The following KIAA1549L variants were observed in gnomAD, a reference collection of about 807,000 sequenced individuals.
The protein encoded by KIAA1549L is UPF0606 protein KIAA1549L.
KIAA1549L carries 88 observed loss-of-function variants against 160.7 expected under a neutral mutation model. The ratio of observed to expected loss-of-function variants is 0.55; its 90% CI spans 0.46 to 0.65. KIAA1549L has a LOEUF of 0.65. Ranked by LOEUF, KIAA1549L falls within the 30% of genes least tolerant of loss-of-function variation. KIAA1549L has a pLI of 0.00. For synonymous variants in KIAA1549L, 950 were observed against 976.7 expected (o/e 0.97, Z 0.51); for missense variants, 2,258 against 2,437.5 (o/e 0.93, Z 1.55).
Position 33,469,022 on chromosome 11 carries a change from T to C in KIAA1549L, c.239-72780T>C, listed in dbSNP as rs116001887. Among the ~76,000 whole-genome samples the C allele has an allele frequency of 7.1e-3, 1,082 of 152,340 alleles. 14 individuals are homozygous for C. The highest frequency in any genetic ancestry group is 0.025 in the African/African-American group (1,043 of 41,564). ...GTTTGCTTGCTTGTTGGTTTTTGTT[T>C]CTTTCATGACTTTATTGACATATAA... On this transcript the variant is annotated intron_variant, in intron 1 of 20. Coordinates refer to ENST00000658780, the MANE Select transcript of KIAA1549L (RefSeq NM_012194.3).
chr11:33,478,290 A>G (rs905506437), intron 1 of KIAA1549L, among the ~76,000 whole-genome samples: 3 of 152,200 alleles, frequency 2.0e-5, no homozygotes, highest in African/African-American at 7.2e-5. Flanking sequence ...GTTTTGTTCT[A>G]GCCTGACAAG....
rs115216931 is a variant in KIAA1549L, at chr11:33,565,004, C to T, written c.4079-3072C>T. On this transcript the variant is annotated intron_variant, in intron 8 of 20. Transcript: ENST00000658780. ...CTTCTGGACAAAGCTTCATTGAACA[C>T]AGCTGGGGACGTGCCCAGCTCCTCT... is the stretch of plus-strand genomic sequence containing the variant. 4.0e-3 allele frequency among the ~76,000 whole-genome samples: 614 copies of T among 152,300 alleles called. 7 individuals are homozygous for T. The highest frequency in any genetic ancestry group is 0.013 in the African/African-American group (554 of 41,560).
intron 1 of KIAA1549L, among the ~76,000 whole-genome samples, chr11:33,474,673 A>G (rs553534973): frequency 3.9e-5 from 6 of 152,332 alleles, no homozygotes; most frequent in African/African-American, 1.4e-4. Flanking sequence ...GATAATGATA[A>G]TAGCCACTTT....
At position 33,532,463 on chromosome 11, in the gene KIAA1549L, C is replaced by T. The variant is rs79310264; in HGVS notation, c.239-9339C>T. 4.9e-3 allele frequency among the ~76,000 whole-genome samples: 747 copies of T among 152,308 alleles called. 1 individual carries two copies. The highest frequency in any genetic ancestry group is 8.2e-3 in the Non-Finnish European group (557 of 68,026). ...TATAAGCACTATTCTAAGGACTTTA[C>T]GCGTATCAGCTCATTTTAACCCTTA... is the stretch of plus-strand genomic sequence containing the variant. On this transcript the variant is annotated intron_variant, in intron 1 of 20. Transcript: ENST00000658780.
rs1231641133 is a variant in KIAA1549L, at chr11:33,645,163, G to A, written c.5410-523G>A. ...CCTCACCCCCAGAGCTTCTGATTGC[G>A]TACCACGCTTTAAGAGCTGTGATCT... On this transcript the variant is annotated intron_variant, in intron 16 of 20. Transcript: ENST00000658780. Among the ~76,000 whole-genome samples, 34 of 152,172 alleles carry A rather than the reference G, an allele frequency of 2.2e-4. 1 individual carries two copies. Among genetic ancestry groups the A allele is most frequent in the African/African-American group, 3.4e-4 (14 of 41,430 alleles).
At chr11:33,466,540 C>A (rs544330619) in intron 1 of KIAA1549L, among the ~76,000 whole-genome samples, 1 of 152,286 alleles carries the variant, frequency 6.6e-6, no homozygotes, top group African/African-American at 2.4e-5. Context: ...CTAGTTCAAC[C>A]ATTGTGGAAG....
chr11:33,575,728 G>T (rs911441644), intron 10 of KIAA1549L, among the ~76,000 whole-genome samples: 8 of 152,202 alleles, frequency 5.3e-5, no homozygotes, highest in Admixed American at 3.9e-4. Flanking sequence ...GGCAGCATGA[G>T]CGAAAGAATG....
intron 17 of KIAA1549L, among the ~76,000 whole-genome samples, chr11:33,649,942 A>G (rs1851838610): frequency 6.6e-6 from 1 of 152,076 alleles, no homozygotes; most frequent in South Asian, 2.1e-4. Context: ...ATTTGAATCT[A>G]TTCTGAACTC....
rs919111273 is a variant in KIAA1549L at position 33,376,296 on chromosome 11, G to C, written c.-356G>C. On this transcript the variant is annotated 5_prime_UTR_variant, in exon 1 of 21. Transcript: ENST00000658780. The surrounding 1 kb of genome is among the most constrained non-coding windows in gnomAD (Gnocchi z 5.8). ...CCCGCGGCCGCCACCCCCGTTCCCG[G>C]CAGCCTCGCCCCCTAGTTCTGCAGG... 6.7e-6 allele frequency among the ~76,000 whole-genome samples: 1 copy of C among 148,940 alleles called. No homozygotes were observed. Among genetic ancestry groups the C allele is most frequent in the Non-Finnish European group, 1.5e-5 (1 of 66,926 alleles).
At chr11:33,590,578 G>T (rs1850023336) in intron 11 of KIAA1549L, among the ~76,000 whole-genome samples, 1 of 152,216 alleles carries the variant, frequency 6.6e-6, no homozygotes, top group African/African-American at 2.4e-5. Flanking sequence ...TTATAGGAGA[G>T]CCAGCCTACT....
rs1190507996 is a variant in KIAA1549L at position 33,562,272 on chromosome 11, GTTC to G, written c.4078+543_4078+545del. 4.6e-5 allele frequency among the ~76,000 whole-genome samples: 7 copies of G among 152,290 alleles called. No homozygotes were observed. In the East Asian group the frequency reaches 1.3e-3, roughly 29 times the overall value. ...TGGATCTTTATGGAACAGCAAAAAA[GTTC>G]TTCTTTGTGTTTTTCAAAAGCCAGA... is the stretch of plus-strand genomic sequence containing the variant. On this transcript the variant is annotated intron_variant, in intron 8 of 20. Transcript: ENST00000658780.
At chr11:33,475,935 C>A (rs750483039) in intron 1 of KIAA1549L, among the ~76,000 whole-genome samples, 2 of 152,100 alleles carry the variant, frequency 1.3e-5, no homozygotes, top group African/African-American at 2.4e-5. Context: ...GGTTGGGATT[C>A]ATTAAATCTG....
At chr11:33,567,954 C>A in intron 8 of KIAA1549L, 122 bp from the exon 9 acceptor site, 1 of 992,728 alleles carries the variant, frequency 1.0e-6, no homozygotes, top group Non-Finnish European at 1.4e-6. Flanking sequence ...GTTGGCCAAG[C>A]CCTAACATGA....
At chr11:33,602,073 A>G (rs1437371303) in intron 13 of KIAA1549L, among the ~76,000 whole-genome samples, 1 of 152,222 alleles carries the variant, frequency 6.6e-6, no homozygotes, top group Admixed American at 6.5e-5. Context: ...AATAATACAT[A>G]TCTTTGCATC....
intron 17 of KIAA1549L, among the ~76,000 whole-genome samples, chr11:33,649,503 T>C (rs1418854285): frequency 1.1e-5 from 1 of 93,888 alleles, no homozygotes; most frequent in Non-Finnish European, 2.2e-5. Flanking sequence ...TTGTCTCTAT[T>C]GTAAAAAAAA....
rs1369174827 is a variant in KIAA1549L at position 33,612,598 on chromosome 11, AG to A, written c.5279+2633del. 2.0e-5 allele frequency among the ~76,000 whole-genome samples: 3 copies of A among 148,076 alleles called. No homozygotes were observed. The East Asian group carries it at 5.9e-4, about 29-fold the overall frequency. ...CTATAAAAAATACCTGAGACTGGGT[AG>A]TTTTTTTTTTTTTTCTTTTCTTTTA... On this transcript the variant is annotated intron_variant, in intron 15 of 20. Coordinates refer to ENST00000658780, the MANE Select transcript of KIAA1549L (RefSeq NM_012194.3).
At position 33,614,584 on chromosome 11, in the gene KIAA1549L, A is replaced by ATTTTTT. The variant is rs869257067; in HGVS notation, c.5280-3923_5280-3918dup. On this transcript the variant is annotated intron_variant, in intron 15 of 20. Transcript: ENST00000658780. ...TATATATATATATATATATATATATATTTTTTTTTTTTTTTTTTTTTTTTT... is the reference window on the plus strand; with the variant it reads ...TATATATATATATATATATATATATATTTTTTTTTTTTTTTTTTTTTTTTTTTTTTT... Among the ~76,000 whole-genome samples the ATTTTTT allele has an allele frequency of 2.1e-3, 11 of 5,120 alleles. 5 individuals carry two copies. Among genetic ancestry groups the ATTTTTT allele is most frequent in the Non-Finnish European group, 3.9e-3 (11 of 2,852 alleles). The allele number at this position is 5,120 out of a possible 152,430, so 3.4% of individuals were successfully genotyped here.
chr11:33,615,602 A>G (rs572560599), intron 15 of KIAA1549L, among the ~76,000 whole-genome samples: 2 of 152,284 alleles, frequency 1.3e-5, no homozygotes, highest in African/African-American at 4.8e-5. Context: ...TCCATGTTAA[A>G]CAGCAGCCTT....
chr11:33,533,831 G>A (rs61888292), intron 1 of KIAA1549L, among the ~76,000 whole-genome samples: 1,773 of 152,156 alleles, frequency 0.012, 14 homozygotes, highest in Non-Finnish European at 0.018. Context: ...TGTTTCCAAC[G>A]TAAATCCATC....
Sources: gnomAD v4.1 joint callset for allele counts (sites outside exome capture counted in the v4.1 genomes callset) on GRCh38, gnomAD v4.1.1 for gene constraint, Gnocchi (gnomAD v3.1) non-coding constraint, MANE v1.5 for transcripts, NCBI Gene and HGNC (gene_info 2026-07-23, HGNC 2026-07-21) for gene names.